GFOD1: variants seen among roughly 807,000 people sequenced by gnomAD.
The protein encoded by GFOD1 is Gfo/Idh/MocA-like oxidoreductase domain containing 1, also known as glucose-fructose oxidoreductase domain-containing protein 1.
A neutral mutation model predicts 25.4 loss-of-function variants in GFOD1; 9 were observed. The ratio of observed to expected loss-of-function variants is 0.35; its 90% CI spans 0.21 to 0.62. The LOEUF is 0.62. Ranked by LOEUF, GFOD1 falls within the 20% of genes least tolerant of loss-of-function variation. GFOD1 has a pLI of 0.72. For missense variants in GFOD1, 403 were observed against 556.9 expected (o/e 0.72, Z 2.78); for synonymous variants, 253 against 245.6 (o/e 1.03, Z -0.28).
At chr6:13,469,114 T>C (rs1234118243) in intron 1 of GFOD1, among the ~76,000 whole-genome samples, 7 of 152,148 alleles carry the variant, frequency 4.6e-5, no homozygotes, top group South Asian at 4.1e-4. Flanking sequence ...AACTCAGTTA[T>C]GTAGGAGAGG....
intron 1 of GFOD1, among the ~76,000 whole-genome samples, chr6:13,429,412 C>T (rs1757708297): frequency 6.6e-6 from 1 of 152,194 alleles, no homozygotes; most frequent in South Asian, 2.1e-4. Flanking sequence ...CTATTGAATG[C>T]AATTGAATGC....
intron 1 of GFOD1, among the ~76,000 whole-genome samples, chr6:13,422,848 G>A (rs1431060953): frequency 2.0e-5 from 3 of 152,170 alleles, no homozygotes; most frequent in Non-Finnish European, 4.4e-5. Flanking sequence ...GGAATGTCTT[G>A]GCCTGGTTTA....
At chr6:13,467,140 C>G (rs1758392485) in intron 1 of GFOD1, among the ~76,000 whole-genome samples, 1 of 151,756 alleles carries the variant, frequency 6.6e-6, no homozygotes, top group Non-Finnish European at 1.5e-5. Flanking sequence ...TAGCAGAAGC[C>G]AAGTGAACCA....
intron 1 of GFOD1, among the ~76,000 whole-genome samples, chr6:13,476,750 T>G (rs1201951200): frequency 4.6e-5 from 7 of 152,148 alleles, no homozygotes; most frequent in Non-Finnish European, 8.8e-5. Context: ...GACTGGAAAA[T>G]TTTTTTAAAT....
chr6:13,470,412 G>A, intron 1 of GFOD1: 3 of 1,549,736 alleles, frequency 1.9e-6, no homozygotes, highest in Non-Finnish European at 2.6e-6. Flanking sequence ...CTGTGCCCTG[G>A]ATGTGAACGG....
chr6:13,456,670 A>C (rs1161973629), intron 1 of GFOD1, among the ~76,000 whole-genome samples: 2 of 152,212 alleles, frequency 1.3e-5, no homozygotes, highest in Non-Finnish European at 2.9e-5. Context: ...GCAGGTGATT[A>C]AACCTGAACA....
intron 1 of GFOD1, among the ~76,000 whole-genome samples, chr6:13,384,808 A>G (rs1000812090): frequency 6.6e-6 from 1 of 152,268 alleles, no homozygotes; most frequent in Non-Finnish European, 1.5e-5. Context: ...TGCCTCTTAA[A>G]GGGCTTTTGC....
intron 1 of GFOD1, among the ~76,000 whole-genome samples, chr6:13,386,050 T>C (rs868211430): frequency 7.1e-6 from 1 of 140,216 alleles, no homozygotes; most frequent in Middle Eastern, 3.5e-3. Context: ...CCAGGGAGTT[T>C]GGGTAATTCC....
At chr6:13,419,645 G>A (rs1243705028) in intron 1 of GFOD1, among the ~76,000 whole-genome samples, 1 of 152,140 alleles carries the variant, frequency 6.6e-6, no homozygotes, top group Non-Finnish European at 1.5e-5. Flanking sequence ...TCCACGATCT[G>A]CTTCCTCCTC....
intron 1 of GFOD1, among the ~76,000 whole-genome samples, chr6:13,438,625 T>C (rs577299009): frequency 1.3e-5 from 2 of 152,282 alleles, no homozygotes; most frequent in South Asian, 4.1e-4. Flanking sequence ...CCAACATATA[T>C]ATTATTTATA....
chr6:13,469,621 C>T, intron 1 of GFOD1: 2 of 1,108,388 alleles, frequency 1.8e-6, no homozygotes, highest in Non-Finnish European at 2.2e-6. Flanking sequence ...GTACACTTGC[C>T]AAAATACCAT....
chr6:13,418,732 C>T (rs1012417074), intron 1 of GFOD1, among the ~76,000 whole-genome samples: 2 of 152,166 alleles, frequency 1.3e-5, no homozygotes, highest in African/African-American at 4.8e-5. Flanking sequence ...CTGTCTGGGA[C>T]TCATGCTGAA....
chr6:13,432,100 G>A (rs1190802593), intron 1 of GFOD1, among the ~76,000 whole-genome samples: 1 of 152,142 alleles, frequency 6.6e-6, no homozygotes, highest in African/African-American at 2.4e-5. Context: ...CCCACTCTGA[G>A]CAGGCAAACA....
At chr6:13,397,911 C>T (rs911682280) in intron 1 of GFOD1, among the ~76,000 whole-genome samples, 2 of 152,174 alleles carry the variant, frequency 1.3e-5, no homozygotes, top group East Asian at 3.9e-4. Flanking sequence ...TAAAAGAAGA[C>T]TTTTCCGACT....
rs146389817 is a variant in GFOD1 at position 13,425,949 on chromosome 6, C to T, written c.254-60287G>A. Among the ~76,000 whole-genome samples, 359 of 152,112 alleles carry T rather than the reference C, an allele frequency of 2.4e-3. 1 individual carries two copies. Among genetic ancestry groups the T allele is most frequent in the African/African-American group, 8.3e-3 (343 of 41,502 alleles). ...AAAATTCACATTTTAAGAAAGTTTA[C>T]GAATTTGTGTTGAGCCACATTCAAA... On this transcript the variant is annotated intron_variant, in intron 1 of 1. Coordinates refer to ENST00000379287, the MANE Select transcript of GFOD1 (RefSeq NM_018988.4).
At chr6:13,388,252 G>A (rs1453751426) in intron 1 of GFOD1, among the ~76,000 whole-genome samples, 1 of 152,130 alleles carries the variant, frequency 6.6e-6, no homozygotes, top group African/African-American at 2.4e-5. Context: ...TCACAGGATT[G>A]GAAAAAACTA....
At chr6:13,469,343 T>G in intron 1 of GFOD1, 6 of 985,164 alleles carry the variant, frequency 6.1e-6, no homozygotes, top group Non-Finnish European at 7.2e-6. Flanking sequence ...AACAGAGAAG[T>G]GAAGATCATG....
intron 1 of GFOD1, among the ~76,000 whole-genome samples, chr6:13,388,543 G>A (rs898250461): frequency 1.3e-5 from 2 of 152,168 alleles, no homozygotes; most frequent in Admixed American, 1.3e-4. Context: ...ATGGTGCTGG[G>A]AAAACTGGCT....
rs1378866201 is a variant in GFOD1, at chr6:13,359,070, T to A, written c.*5673A>T. 1 of 152,306 alleles carries A rather than the reference T, an allele frequency of 6.6e-6. No individual in the cohort carries two copies. Among genetic ancestry groups the A allele is most frequent in the Admixed American group, 6.5e-5 (1 of 15,288 alleles). 9.4% of individuals were successfully genotyped at this position (152,306 alleles called of 1,614,324 possible). ...CACTGGGAACACTGAGCCCATCACCTTTTAAAGAAGCGCAGGAGGTCTTGA... is the reference window on the plus strand; with the variant it reads ...CACTGGGAACACTGAGCCCATCACCATTTAAAGAAGCGCAGGAGGTCTTGA... On this transcript the variant is annotated 3_prime_UTR_variant, in exon 2 of 2. Transcript: ENST00000379287.
Sources: gnomAD v4.1 joint callset for allele counts (sites outside exome capture counted in the v4.1 genomes callset) on GRCh38, gnomAD v4.1.1 for gene constraint, MANE v1.5 for transcripts, NCBI Gene and HGNC (gene_info 2026-07-23, HGNC 2026-07-21) for gene names.